CAB39: variants seen among roughly 807,000 people sequenced by gnomAD.
CAB39 encodes calcium binding protein 39.
A neutral mutation model predicts 40.0 loss-of-function variants in CAB39; 8 were observed. That is an observed-to-expected ratio of 0.20 (90% confidence interval 0.12 to 0.36). The LOEUF (loss-of-function observed/expected upper bound fraction) is 0.36, where lower values mean the gene tolerates loss of function less well. CAB39 is among the 10% of genes least tolerant of loss of function. CAB39 has a pLI of 1.00. For missense variants in CAB39, 270 were observed against 401.1 expected (o/e 0.67, Z 2.79); for synonymous variants, 156 against 141.6 (o/e 1.10, Z -0.72).
rs554969526 is a variant in CAB39, at chr2:230,715,104, A to G, written c.-44+1874A>G. 1.7e-4 allele frequency among the ~76,000 whole-genome samples: 26 copies of G among 152,286 alleles called. No homozygotes were observed. The South Asian group carries it at 2.3e-3, about 13-fold the overall frequency. On this transcript the variant is annotated intron_variant, in intron 1 of 8. Transcript: ENST00000258418. ...TTTTCTGTGTATTTTTTCTTTGCAT[A>G]ATGAAATATATTGTATGCATATGTA...
At chr2:230,715,526 G>A (rs1397085316) in intron 1 of CAB39, among the ~76,000 whole-genome samples, 1 of 152,162 alleles carries the variant, frequency 6.6e-6, no homozygotes, top group Non-Finnish European at 1.5e-5. Context: ...AGACGGCGAT[G>A]CAGTGTCCCT....
chr2:230,722,410 G>T (rs1433028328), intron 1 of CAB39, among the ~76,000 whole-genome samples: 1 of 152,210 alleles, frequency 6.6e-6, no homozygotes, highest in Admixed American at 6.5e-5. Flanking sequence ...TCCTGCCTCA[G>T]CATCCCAGAA....
chr2:230,767,837 C>T (rs1346231522), intron 2 of CAB39, among the ~76,000 whole-genome samples: 10 of 152,152 alleles, frequency 6.6e-5, no homozygotes, highest in Admixed American at 1.3e-4. Context: ...TTGCATTTGG[C>T]TTTTTCCTTT....
intron 1 of CAB39, among the ~76,000 whole-genome samples, chr2:230,724,136 A>G (rs1694507127): frequency 6.6e-6 from 1 of 151,948 alleles, no homozygotes. Context: ...AATCCTAGCT[A>G]CTTGGGAGGC....
chr2:230,794,273 TC>T (rs1324221875), intron 4 of CAB39, among the ~76,000 whole-genome samples: 6 of 152,132 alleles, frequency 3.9e-5, no homozygotes, highest in African/African-American at 7.2e-5. Flanking sequence ...GCGTTCTGTT[TC>T]CCTCTTTCTA....
chr2:230,716,390 C>A (rs1031562549), intron 1 of CAB39, among the ~76,000 whole-genome samples: 8 of 152,058 alleles, frequency 5.3e-5, no homozygotes, highest in Non-Finnish European at 8.8e-5. Flanking sequence ...AGCCTTTTTT[C>A]CAGATTGATG....
At chr2:230,769,898 A>G (rs2124930023) in intron 2 of CAB39, among the ~76,000 whole-genome samples, 1 of 152,044 alleles carries the variant, frequency 6.6e-6, no homozygotes, top group South Asian at 2.1e-4. Flanking sequence ...TGGAGGCTGC[A>G]GTGAGCTGAG....
chr2:230,793,163 C>T (rs1695920182), intron 3 of CAB39, 50 bp from the exon 4 acceptor site: 5 of 1,013,416 alleles, frequency 4.9e-6, no homozygotes, highest in Non-Finnish European at 6.2e-6. Context: ...GGTGAATGAG[C>T]ATTTTGATGT....
intron 1 of CAB39, among the ~76,000 whole-genome samples, chr2:230,755,282 C>T (rs879329203): frequency 8.5e-5 from 13 of 152,144 alleles, no homozygotes; most frequent in Admixed American, 5.9e-4. Context: ...CTCTGATTAC[C>T]GCATCCATTC....
chr2:230,739,935 G>A (rs888238687), intron 1 of CAB39, among the ~76,000 whole-genome samples: 4 of 152,168 alleles, frequency 2.6e-5, no homozygotes, highest in African/African-American at 9.7e-5. Flanking sequence ...CTGCAAGTTC[G>A]ATCTTATCAG....
chr2:230,744,675 A>G (rs1162428821), intron 1 of CAB39, among the ~76,000 whole-genome samples: 1 of 152,278 alleles, frequency 6.6e-6, no homozygotes, highest in Admixed American at 6.5e-5. Context: ...TGTTCCAGAA[A>G]GAATTTAAGG....
intron 2 of CAB39, among the ~76,000 whole-genome samples, chr2:230,765,953 C>G (rs895966229): frequency 1.7e-4 from 26 of 152,102 alleles, no homozygotes; most frequent in African/African-American, 6.0e-4. Context: ...AATTTTAGTT[C>G]AAAGCAAGGC....
At chr2:230,795,188 A>G (rs1695961571) in intron 4 of CAB39, among the ~76,000 whole-genome samples, 1 of 151,958 alleles carries the variant, frequency 6.6e-6, no homozygotes, top group Non-Finnish European at 1.5e-5. Context: ...AGGCACAAGA[A>G]TAGCTTGAAC....
intron 2 of CAB39, among the ~76,000 whole-genome samples, chr2:230,780,069 C>G (rs1695659866): frequency 6.6e-6 from 1 of 152,052 alleles, no homozygotes; most frequent in Admixed American, 6.6e-5. Context: ...CCAGTAAGAC[C>G]CAACAGGTTT....
chr2:230,758,715 A>G (rs553945903), intron 1 of CAB39, among the ~76,000 whole-genome samples: 1 of 152,230 alleles, frequency 6.6e-6, no homozygotes, highest in South Asian at 2.1e-4. Context: ...GGTGTCTGAG[A>G]GCCACCTTTT....
intron 2 of CAB39, among the ~76,000 whole-genome samples, chr2:230,770,805 A>G (rs1233922857): frequency 1.3e-5 from 2 of 152,200 alleles, no homozygotes; most frequent in East Asian, 1.9e-4. Context: ...GTACATGTCA[A>G]TTGATGAAAA....
chr2:230,772,982 TAAA>T (rs10713369), intron 2 of CAB39, among the ~76,000 whole-genome samples: 17 of 115,046 alleles, frequency 1.5e-4, no homozygotes, highest in African/African-American at 3.6e-4. Context: ...TACTCAGCAA[TAAA>T]AAAAAAAAAA....
chr2:230,782,815 T>TTTTTTC lies in CAB39; in HGVS notation c.115-8052_115-8051insCTTTTT, dbSNP rs1318912127. Among the ~76,000 whole-genome samples, 139 of 127,512 alleles carry TTTTTTC rather than the reference T, an allele frequency of 1.1e-3. 6 individuals are homozygous for TTTTTTC. The highest frequency in any genetic ancestry group is 4.5e-3 in the African/African-American group (134 of 30,092). The allele number at this position is 127,512 out of a possible 152,430, so 83.7% of individuals were successfully genotyped here. A position where few individuals can be genotyped will look rare whatever the true frequency, so the allele number is the denominator to read the frequency against. On this transcript the variant is annotated intron_variant, in intron 2 of 8. Coordinates refer to ENST00000258418, the MANE Select transcript of CAB39 (RefSeq NM_016289.4). ...TTTCTTTCTTTCTTTCTTTCTTTCT[T>TTTTTTC]TTTTTTTTTTTTTTTTTGAGAAGAA...
chr2:230,804,646 A>G (rs560108468), intron 5 of CAB39, among the ~76,000 whole-genome samples: 1 of 152,392 alleles, frequency 6.6e-6, no homozygotes, highest in African/African-American at 2.4e-5. Context: ...ACATGAAAAA[A>G]TGCTCATCAT....
Sources: allele counts gnomAD v4.1 joint callset (sites outside exome capture counted in the v4.1 genomes callset), GRCh38; gene constraint gnomAD v4.1.1; transcripts MANE v1.5; gene names NCBI Gene and HGNC (gene_info 2026-07-23, HGNC 2026-07-21).